EPHB1: variants seen among roughly 807,000 people sequenced by gnomAD.
EPHB1 encodes the protein EPH receptor B1.
Under a neutral mutation model 94.4 loss-of-function variants are expected in EPHB1, and 30 were observed. That is an observed-to-expected ratio of 0.32 (90% CI 0.24 to 0.43). The LOEUF is 0.43. EPHB1 is among the 20% of genes least tolerant of loss of function. The probability of loss-of-function intolerance (pLI) is 1.00; values close to 1 mark genes in which losing one functional copy is unlikely to be tolerated. For synonymous variants in EPHB1, 522 were observed against 489.1 expected, an observed-to-expected ratio of 1.07 and a Z score of -0.89; for missense variants, 1,055 against 1,308.3, an observed-to-expected ratio of 0.81 and a Z score of 2.99.
chr3:134,943,626 G>T (rs1438621149), intron 2 of EPHB1, among the ~76,000 whole-genome samples: 1 of 152,162 alleles, frequency 6.6e-6, no homozygotes, highest in East Asian at 1.9e-4. Context: ...TTCTGATGCT[G>T]ACTTTGGACC....
At chr3:135,030,659 G>C (rs1936412532) in intron 3 of EPHB1, among the ~76,000 whole-genome samples, 1 of 152,254 alleles carries the variant, frequency 6.6e-6, no homozygotes, top group Admixed American at 6.5e-5. Flanking sequence ...AGTCCGCAGA[G>C]GTTACTGCTG....
chr3:135,071,832 G>A (rs1937726342), intron 3 of EPHB1, among the ~76,000 whole-genome samples: 2 of 152,126 alleles, frequency 1.3e-5, no homozygotes, highest in African/African-American at 4.8e-5. Context: ...CTGAACTCTT[G>A]ATTTCCTTTT....
In EPHB1 at chr3:135,114,067, G is replaced by C. The variant is rs1939575370; in HGVS notation, c.961+7464G>C. Among the ~76,000 whole-genome samples, 7 of 152,328 alleles carry C rather than the reference G, an allele frequency of 4.6e-5. No homozygotes were observed. The South Asian group carries it at 1.4e-3, about 32-fold the overall frequency. On this transcript the variant is annotated intron_variant, in intron 4 of 15. Transcript: ENST00000398015. ...ACATGTGGCAGCCACTAAACAGCCA[G>C]TGCTTTTGTTTGTCCCCTCAGGAAA... is the stretch of plus-strand genomic sequence containing the variant.
chr3:135,065,861 C>T (rs1299806687), intron 3 of EPHB1, among the ~76,000 whole-genome samples: 4 of 152,152 alleles, frequency 2.6e-5, no homozygotes, highest in Non-Finnish European at 5.9e-5. Context: ...AGATTTAGAG[C>T]TCCTTTTAGC....
intron 1 of EPHB1, among the ~76,000 whole-genome samples, chr3:134,820,519 T>C (rs903305576): frequency 8.5e-5 from 13 of 152,182 alleles, no homozygotes; most frequent in Non-Finnish European, 1.5e-4. Context: ...AAAGGTAACT[T>C]TTTAGCCTCC....
chr3:135,233,491 G>A lies in EPHB1; in HGVS notation c.2347-7657G>A, dbSNP rs536600911. On this transcript the variant is annotated intron_variant, in intron 12 of 15. Transcript: ENST00000398015. ...TTTGCAGGGTACAGCTCCCCTCCTG[G>A]CTACTTCCACAGGCTGGCCTTGAGT... Among the ~76,000 whole-genome samples, 5 of 152,322 alleles carry A rather than the reference G, an allele frequency of 3.3e-5. No homozygotes were observed. The East Asian group carries it at 7.7e-4, about 24-fold the overall frequency.
chr3:135,227,474 C>T (rs1943429273), intron 12 of EPHB1, among the ~76,000 whole-genome samples: 1 of 151,942 alleles, frequency 6.6e-6, no homozygotes, highest in Admixed American at 6.6e-5. Flanking sequence ...GGTCTCATAC[C>T]ATACATAATG....
At chr3:134,887,701 C>T (rs1477512231) in intron 1 of EPHB1, among the ~76,000 whole-genome samples, 7 of 152,124 alleles carry the variant, frequency 4.6e-5, no homozygotes, top group Non-Finnish European at 8.8e-5. Context: ...TGTTTTATCA[C>T]TGTAGGATGA....
chr3:135,103,738 G>A (rs1230143779), intron 3 of EPHB1, among the ~76,000 whole-genome samples: 1 of 152,108 alleles, frequency 6.6e-6, no homozygotes. Context: ...TTTCTCCGGG[G>A]AGAATGGAAT....
chr3:135,205,478 GT>G (rs1942877197), intron 12 of EPHB1, among the ~76,000 whole-genome samples: 1 of 152,008 alleles, frequency 6.6e-6, no homozygotes, highest in Non-Finnish European at 1.5e-5. Flanking sequence ...GGGTTACCTG[GT>G]TTATTTTAAA....
chr3:135,101,713 A>C (rs1939042778), intron 3 of EPHB1, among the ~76,000 whole-genome samples: 1 of 152,174 alleles, frequency 6.6e-6, no homozygotes, highest in South Asian at 2.1e-4. Context: ...TGTTTAAAGC[A>C]TGAATTCTAT....
chr3:134,944,583 A>G (rs2039181231), intron 2 of EPHB1, among the ~76,000 whole-genome samples: 1 of 152,196 alleles, frequency 6.6e-6, no homozygotes, highest in Non-Finnish European at 1.5e-5. Context: ...GTTCAATCTC[A>G]ATTAATGGTT....
intron 7 of EPHB1, among the ~76,000 whole-genome samples, chr3:135,163,775 T>C (rs1478167035): frequency 6.6e-6 from 1 of 152,228 alleles, no homozygotes; most frequent in South Asian, 2.1e-4. Flanking sequence ...CAAGAGGGGC[T>C]GGTTGTAAGA....
At chr3:135,112,521 T>C (rs951824261) in intron 4 of EPHB1, among the ~76,000 whole-genome samples, 5 of 147,696 alleles carry the variant, frequency 3.4e-5, no homozygotes, top group African/African-American at 1.0e-4. Context: ...GTATATCTCC[T>C]AATGCTATCC....
chr3:134,846,767 G>A (rs895775100), intron 1 of EPHB1, among the ~76,000 whole-genome samples: 10 of 152,086 alleles, frequency 6.6e-5, no homozygotes, highest in Admixed American at 2.0e-4. Flanking sequence ...GCTCAGGTGG[G>A]ATGGACCCTG....
At chr3:134,875,995 CT>C (rs1364935912) in intron 1 of EPHB1, among the ~76,000 whole-genome samples, 4 of 152,182 alleles carry the variant, frequency 2.6e-5, no homozygotes, top group Admixed American at 1.3e-4. Context: ...CATAATTCAG[CT>C]TTCGCATGGG....
chr3:134,907,621 C>T (rs551956640), intron 1 of EPHB1, among the ~76,000 whole-genome samples: 9 of 152,232 alleles, frequency 5.9e-5, no homozygotes, highest in South Asian at 4.2e-4. Flanking sequence ...AACTGCCTCC[C>T]GTGAAGTGGA....
chr3:134,914,145 A>G (rs989635938), intron 1 of EPHB1, among the ~76,000 whole-genome samples: 6 of 152,192 alleles, frequency 3.9e-5, no homozygotes, highest in African/African-American at 1.4e-4. Context: ...AGTGGAACCA[A>G]GGTCCACCCT....
At chr3:135,225,894 A>G (rs2107722033) in intron 12 of EPHB1, among the ~76,000 whole-genome samples, 1 of 152,242 alleles carries the variant, frequency 6.6e-6, no homozygotes, top group South Asian at 2.1e-4. Context: ...GGCTGGGTGA[A>G]AGTTAGGTCT....
Sources: allele counts gnomAD v4.1 joint callset (sites outside exome capture counted in the v4.1 genomes callset), GRCh38; gene constraint gnomAD v4.1.1; transcripts MANE v1.5; gene names NCBI Gene and HGNC (gene_info 2026-07-23, HGNC 2026-07-21).